Variants in HELZ observed in about 807,000 individuals in gnomAD.
The protein encoded by HELZ is ATP-dependent RNA helicase with zinc finger domain.
A neutral mutation model predicts 218.2 loss-of-function variants in HELZ; 23 were observed. The ratio of observed to expected loss-of-function variants is 0.11; its 90% confidence interval spans 0.08 to 0.15. HELZ has a LOEUF of 0.15. Ranked by LOEUF, HELZ falls within the 10% of genes least tolerant of loss-of-function variation. HELZ has a pLI of 1.00. For synonymous variants in HELZ, 814 were observed against 829.4 expected, an observed-to-expected ratio of 0.98 and a Z score of 0.32; for missense variants, 1,813 against 2,353.7, an observed-to-expected ratio of 0.77 and a Z score of 4.75.
chr17:67,147,877 C>T (rs1452325175), intron 20 of HELZ, among the ~76,000 whole-genome samples: 1 of 152,214 alleles, frequency 6.6e-6, no homozygotes, highest in Middle Eastern at 3.2e-3. Flanking sequence ...AAGCTGAACA[C>T]GTGGAGGTTC....
Position 67,188,551 on chromosome 17 carries a change from A to G in HELZ, c.930T>C (p.Ile310=). Reference sequence around the variant, plus strand: ...TAGTACTATCTCCGGCAGATATTGCAATGATACTAAAATGAGGACGATGAG... The same window carrying G: ...TAGTACTATCTCCGGCAGATATTGCGATGATACTAAAATGAGGACGATGAG... ...YDAHRPHFSI[I]AISAGDSTTQ... is the part of the protein sequence containing the mutation. Residue 310 remains isoleucine, a synonymous_variant, in exon 12 of 33, where the codon ATT becomes ATC. Transcript: ENST00000358691. This position sits in a 1 kb window ranked among gnomAD's most constrained non-coding sequence, Gnocchi z 4.1. 6 of 1,613,696 alleles carry G rather than the reference A, an allele frequency of 3.7e-6. No individual in the cohort carries two copies. The highest frequency in any genetic ancestry group is 5.1e-6 in the Non-Finnish European group (6 of 1,179,644).
intron 5 of HELZ, among the ~76,000 whole-genome samples, chr17:67,207,825 A>G (rs2040344392): frequency 6.6e-6 from 1 of 152,128 alleles, no homozygotes; most frequent in African/African-American, 2.4e-5. Context: ...CCTGGCCAAC[A>G]TGGCAAAACC....
intron 3 of HELZ, among the ~76,000 whole-genome samples, chr17:67,235,034 G>A (rs534334449): frequency 1.3e-5 from 2 of 152,230 alleles, no homozygotes; most frequent in Admixed American, 1.3e-4. Flanking sequence ...TCATTTTGGG[G>A]TGCCCCATTC....
At chr17:67,231,534 A>G (rs975804699) in intron 3 of HELZ, among the ~76,000 whole-genome samples, 7 of 150,138 alleles carry the variant, frequency 4.7e-5, no homozygotes, top group Non-Finnish European at 8.9e-5. Context: ...CGGAGCTTGC[A>G]GTGAGCCGAG....
intron 23 of HELZ, among the ~76,000 whole-genome samples, chr17:67,131,295 T>C (rs2037975338): frequency 6.6e-6 from 1 of 152,196 alleles, no homozygotes. Context: ...TAAAACTCCA[T>C]ACCCTGTTCC....
At chr17:67,181,666 C>T (rs2039616524) in intron 12 of HELZ, among the ~76,000 whole-genome samples, 1 of 151,436 alleles carries the variant, frequency 6.6e-6, no homozygotes, top group African/African-American at 2.4e-5. Flanking sequence ...TGACTTTAAA[C>T]ACAGTGCAGG....
At chr17:67,238,474 G>A (rs1382873736) in intron 3 of HELZ, among the ~76,000 whole-genome samples, 2 of 152,176 alleles carry the variant, frequency 1.3e-5, no homozygotes, top group Non-Finnish European at 2.9e-5. Context: ...CTGAGGTCAG[G>A]GGTTTGAGGC....
chr17:67,195,838 C>T (rs1344253412), intron 7 of HELZ, among the ~76,000 whole-genome samples: 1 of 101,530 alleles, frequency 9.8e-6, no homozygotes, highest in Non-Finnish European at 1.8e-5. Context: ...GTTTCTTTTC[C>T]TTTTTTTTTT....
At chr17:67,154,333 G>A (rs1327546202) in intron 17 of HELZ, among the ~76,000 whole-genome samples, 1 of 152,088 alleles carries the variant, frequency 6.6e-6, no homozygotes, top group Non-Finnish European at 1.5e-5. Context: ...GGAGGCTGAG[G>A]CACAAGAATC....
At chr17:67,244,950 C>T in intron 1 of HELZ, 198 bp downstream of exon 1, 1 of 985,938 alleles carries the variant, frequency 1.0e-6, no homozygotes, top group Non-Finnish European at 1.2e-6. Flanking sequence ...AAGCTGTAAA[C>T]AGCCCCAGCG....
chr17:67,127,175 T>G (rs954351909), intron 24 of HELZ, among the ~76,000 whole-genome samples: 13 of 152,184 alleles, frequency 8.5e-5, no homozygotes, highest in African/African-American at 3.1e-4. Flanking sequence ...TTGGTAGAAA[T>G]TGCCTTCAAT....
At chr17:67,198,525 TA>T (rs1471889728) in intron 7 of HELZ, among the ~76,000 whole-genome samples, 1 of 152,236 alleles carries the variant, frequency 6.6e-6, no homozygotes, top group Non-Finnish European at 1.5e-5. Context: ...TTATCATCAT[TA>T]GTCTTTACCG....
intron 17 of HELZ, among the ~76,000 whole-genome samples, chr17:67,156,114 T>C (rs1028324106): frequency 2.6e-5 from 4 of 151,030 alleles, no homozygotes; most frequent in African/African-American, 9.7e-5. Context: ...TGGTGAACAA[T>C]GGCTAGGTTA....
chr17:67,139,121 A>C (rs9908761), intron 21 of HELZ, among the ~76,000 whole-genome samples: 2,306 of 152,022 alleles, frequency 0.015, 57 homozygotes, highest in African/African-American at 0.052. Flanking sequence ...AATATATTTA[A>C]TAAAAATTGA....
At chr17:67,110,611 C>T (rs558650689) in intron 28 of HELZ, among the ~76,000 whole-genome samples, 10 of 152,298 alleles carry the variant, frequency 6.6e-5, no homozygotes, top group Admixed American at 3.9e-4. Flanking sequence ...AAGACTCAGC[C>T]TACACATCAA....
intron 1 of HELZ, chr17:67,244,839 C>G: frequency 1.0e-6 from 1 of 985,538 alleles, no homozygotes; most frequent in Non-Finnish European, 1.2e-6. Flanking sequence ...CCGGAGAAAC[C>G]TCCCGCAGGC....
At chr17:67,207,256 T>C (rs1317730264) in intron 5 of HELZ, among the ~76,000 whole-genome samples, 1 of 145,570 alleles carries the variant, frequency 6.9e-6, no homozygotes, top group African/African-American at 2.6e-5. Flanking sequence ...AGTCTCGCTT[T>C]GTTGCCCAGG....
chr17:67,209,985 G>C (rs1383342553), intron 5 of HELZ, among the ~76,000 whole-genome samples: 1 of 152,102 alleles, frequency 6.6e-6, no homozygotes, highest in Non-Finnish European at 1.5e-5. Flanking sequence ...GGAGGATGAG[G>C]CAAGAGGATC....
chr17:67,150,987 C>T (rs2038664652), intron 18 of HELZ, 59 bp downstream of exon 18: 1 of 1,469,526 alleles, frequency 6.8e-7, no homozygotes, highest in Admixed American at 1.8e-5. Flanking sequence ...TTGCCAATCC[C>T]AGTCTAAACT....
Sources: gnomAD v4.1 joint callset for allele counts (sites outside exome capture counted in the v4.1 genomes callset) on GRCh38, gnomAD v4.1.1 for gene constraint, Gnocchi (gnomAD v3.1) non-coding constraint, MANE v1.5 for transcripts, NCBI Gene and HGNC (gene_info 2026-07-23, HGNC 2026-07-21) for gene names.